The following LRMDA variants were observed in gnomAD, a reference collection of about 807,000 sequenced individuals.
LRMDA encodes leucine-rich melanocyte differentiation-associated protein.
Under a neutral mutation model 29.8 loss-of-function variants are expected in LRMDA, and 18 were observed. That is an observed-to-expected ratio of 0.60 (90% CI 0.42 to 0.90). The LOEUF (loss-of-function observed/expected upper bound fraction) is 0.90, where lower values mean the gene tolerates loss of function less well. Among genes scored for constraint, LRMDA ranks in the 40% least tolerant of loss-of-function variants. The pLI is 0.00. For synonymous variants in LRMDA, 125 were observed against 109.4 expected (o/e 1.14, Z -0.89); for missense variants, 273 against 273.9 (o/e 1.00, Z 0.02).
chr10:76,167,682 A>G (rs1469011248), intron 5 of LRMDA, among the ~76,000 whole-genome samples: 1 of 152,178 alleles, frequency 6.6e-6, no homozygotes, highest in Non-Finnish European at 1.5e-5. Flanking sequence ...GAAGTTGGGT[A>G]GTATGATGCC....
At chr10:76,104,574 T>C (rs544194443) in intron 5 of LRMDA, among the ~76,000 whole-genome samples, 131 of 152,164 alleles carry the variant, frequency 8.6e-4, no homozygotes, top group Non-Finnish European at 1.4e-3. Context: ...GGTCTCACCG[T>C]GTGTCTTGGC....
intron 2 of LRMDA, among the ~76,000 whole-genome samples, chr10:75,854,608 T>G (rs1302594461): frequency 2.0e-5 from 3 of 152,170 alleles, no homozygotes; most frequent in East Asian, 1.9e-4. Flanking sequence ...AGGGTACACG[T>G]GCACAATGTG....
At chr10:76,254,507 G>C (rs1261723624) in intron 5 of LRMDA, among the ~76,000 whole-genome samples, 1 of 152,034 alleles carries the variant, frequency 6.6e-6, no homozygotes, top group African/African-American at 2.4e-5. Flanking sequence ...AATATGCAAA[G>C]TTATCTCCAA....
At chr10:75,901,867 G>A (rs1283533433) in intron 2 of LRMDA, among the ~76,000 whole-genome samples, 2 of 151,928 alleles carry the variant, frequency 1.3e-5, no homozygotes, top group African/African-American at 2.4e-5. Context: ...GGTTTTTCAC[G>A]TGGTCTTTTT....
chr10:76,410,001 A>G (rs1382431658), intron 6 of LRMDA, among the ~76,000 whole-genome samples: 1 of 152,204 alleles, frequency 6.6e-6, no homozygotes, highest in Non-Finnish European at 1.5e-5. Flanking sequence ...TGGAAGAGGT[A>G]ACATTGAAGC....
chr10:75,761,796 T>G (rs112641292), intron 2 of LRMDA, among the ~76,000 whole-genome samples: 6,115 of 131,474 alleles, frequency 0.047, 272 homozygotes, highest in East Asian at 0.25. Context: ...ATACTTTTGT[T>G]TTTTTTTTTT....
At chr10:75,978,695 T>G (rs1847115797) in intron 2 of LRMDA, among the ~76,000 whole-genome samples, 1 of 152,232 alleles carries the variant, frequency 6.6e-6, no homozygotes, top group Non-Finnish European at 1.5e-5. Context: ...TAAAGCAGTA[T>G]TAAATTTTGT....
intron 6 of LRMDA, among the ~76,000 whole-genome samples, chr10:76,555,057 C>T (rs1487907789): frequency 6.6e-6 from 1 of 152,108 alleles, no homozygotes; most frequent in East Asian, 1.9e-4. Flanking sequence ...CCACATTCTT[C>T]AGGGTTTATT....
At chr10:76,021,792 C>T (rs1847978915) in intron 2 of LRMDA, among the ~76,000 whole-genome samples, 1 of 152,106 alleles carries the variant, frequency 6.6e-6, no homozygotes, top group Non-Finnish European at 1.5e-5. Context: ...TTATATTCTC[C>T]AATAGTGTGA....
rs184466251 is a variant in LRMDA, at chr10:75,762,465, C to T, written c.132-273543C>T. Among the ~76,000 whole-genome samples the T allele has an allele frequency of 1.3e-3, 203 of 152,284 alleles. 2 individuals carry two copies. The highest frequency in any genetic ancestry group is 6.2e-4 in the South Asian group (3 of 4,824). ...CCTAGGGAAGCCAAAAGATTGGGCACCCTTGCTGTAACTGAAGATGTGCAG... is the reference window on the plus strand; with the variant it reads ...CCTAGGGAAGCCAAAAGATTGGGCATCCTTGCTGTAACTGAAGATGTGCAG... On this transcript the variant is annotated intron_variant, in intron 2 of 6. Coordinates refer to ENST00000611255, the MANE Select transcript of LRMDA (RefSeq NM_001305581.2).
intron 2 of LRMDA, among the ~76,000 whole-genome samples, chr10:75,560,797 G>A (rs1256304943): frequency 1.3e-5 from 2 of 151,960 alleles, no homozygotes; most frequent in African/African-American, 2.4e-5. Flanking sequence ...ATAATCATGT[G>A]GTTTTTGTCT....
intron 6 of LRMDA, among the ~76,000 whole-genome samples, chr10:76,427,006 G>A (rs548132832): frequency 6.6e-6 from 1 of 152,304 alleles, no homozygotes; most frequent in East Asian, 1.9e-4. Flanking sequence ...GGTTACTGTA[G>A]CCTTGTAGTA....
intron 2 of LRMDA, among the ~76,000 whole-genome samples, chr10:75,764,979 T>C (rs1215239869): frequency 6.7e-6 from 1 of 150,062 alleles, no homozygotes; most frequent in Non-Finnish European, 1.5e-5. Flanking sequence ...TCATAGCATC[T>C]CTGCCCTCTT....
intron 2 of LRMDA, among the ~76,000 whole-genome samples, chr10:75,734,237 G>A (rs932752230): frequency 2.6e-5 from 4 of 152,168 alleles, no homozygotes; most frequent in Admixed American, 1.3e-4. Flanking sequence ...AACAATAATA[G>A]AGCTGAGTCA....
chr10:76,306,493 C>T (rs905440565), intron 5 of LRMDA, among the ~76,000 whole-genome samples: 2 of 152,182 alleles, frequency 1.3e-5, no homozygotes, highest in African/African-American at 2.4e-5. Context: ...TCCTAAGTCA[C>T]ACATGACACG....
At chr10:76,126,167 C>G (rs935931036) in intron 5 of LRMDA, among the ~76,000 whole-genome samples, 6 of 152,180 alleles carry the variant, frequency 3.9e-5, no homozygotes, top group African/African-American at 1.4e-4. Context: ...AAAGCCTGCT[C>G]TAGGACTTGT....
chr10:75,785,956 C>T (rs1274821187), intron 2 of LRMDA, among the ~76,000 whole-genome samples: 1 of 152,122 alleles, frequency 6.6e-6, no homozygotes, highest in Admixed American at 6.5e-5. Flanking sequence ...TAGCTTGGGC[C>T]CTGCTTGGGC....
chr10:76,139,004 C>G (rs1589345239), intron 5 of LRMDA, among the ~76,000 whole-genome samples: 1 of 152,044 alleles, frequency 6.6e-6, no homozygotes, highest in South Asian at 2.1e-4. Context: ...TTTCCAGTGC[C>G]CTTTAGTTTG....
chr10:76,292,423 C>G (rs1244069857), intron 5 of LRMDA, among the ~76,000 whole-genome samples: 1 of 152,084 alleles, frequency 6.6e-6, no homozygotes, highest in Non-Finnish European at 1.5e-5. Flanking sequence ...TTTTACCCCA[C>G]CATGTTGCTT....
Sources: gnomAD v4.1 joint callset for allele counts (sites outside exome capture counted in the v4.1 genomes callset) on GRCh38, gnomAD v4.1.1 for gene constraint, MANE v1.5 for transcripts, NCBI Gene and HGNC (gene_info 2026-07-23, HGNC 2026-07-21) for gene names.